The following ZNF48 variants were observed in gnomAD, a reference collection of about 807,000 sequenced individuals.
The protein encoded by ZNF48 is zinc finger protein 553.
A neutral mutation model predicts 40.0 loss-of-function variants in ZNF48; 20 were observed. That is an observed-to-expected ratio of 0.50 (90% confidence interval 0.35 to 0.73). The LOEUF is 0.73. Among genes scored for constraint, ZNF48 ranks in the 30% least tolerant of loss-of-function variants. ZNF48 has a pLI of 0.01. For missense variants in ZNF48, 726 were observed against 851.9 expected, an observed-to-expected ratio of 0.85 and a Z score of 1.84; for synonymous variants, 298 against 329.7, an observed-to-expected ratio of 0.90 and a Z score of 1.04.
In ZNF48 at chr16:30,395,968, C is replaced by G; in HGVS notation, c.79+95C>G. 1.5e-6 allele frequency: 2 copies of G among 1,296,352 alleles called. No individual in the cohort carries two copies. Among genetic ancestry groups the G allele is most frequent in the Non-Finnish European group, 2.0e-6 (2 of 980,870 alleles). The allele number at this position is 1,296,352 out of a possible 1,614,324, so 80.3% of individuals were successfully genotyped here. ...CCGGCCGAGATCCTGGAAGATCGGA[C>G]GTGAGCTGTGCCTCTGGGGAGATAG... On this transcript the variant is annotated intron_variant, in intron 2 of 2. Transcript: ENST00000613509. This position sits in a 1 kb window ranked among gnomAD's most constrained non-coding sequence, Gnocchi z 5.9.
chr16:30,387,157 A>C (rs1470408781), intron 1 of ZNF48, among the ~76,000 whole-genome samples: 8 of 143,334 alleles, frequency 5.6e-5, no homozygotes, highest in South Asian at 2.3e-4. Context: ...GTTAGCCAGG[A>C]TGGTCTCGAT....
chr16:30,383,696 T>C (rs962653712), intron 1 of ZNF48, among the ~76,000 whole-genome samples: 1 of 152,276 alleles, frequency 6.6e-6, no homozygotes. Flanking sequence ...CCCCAGTAAC[T>C]CAGAGTCAAG....
chr16:30,378,858 G>GAGAGGGAGAGGGGGAT (rs1405782232), intron 1 of ZNF48, among the ~76,000 whole-genome samples: 1 of 140,452 alleles, frequency 7.1e-6, no homozygotes, highest in Non-Finnish European at 1.6e-5. Context: ...GAGAGGGGGA[G>GAGAGGGAGAGGGGGAT]AGAGGGAGAG....
chr16:30,390,509 C>T (rs1353990931), upstream of ZNF48, among the ~76,000 whole-genome samples: 2 of 149,480 alleles, frequency 1.3e-5, no homozygotes, highest in East Asian at 3.9e-4. Flanking sequence ...CCCGGGTTCA[C>T]GTGATTCTCC....
chr16:30,378,759 G>A lies in ZNF48; in HGVS notation c.-16+349G>A, dbSNP rs574977750. On this transcript the variant is annotated intron_variant, in intron 1 of 2. Transcript: ENST00000528032. ...AGCGGGACCTGAGGTTGTGGGTGAG[G>A]CCCAGGAGGCAGGGCCTGGGGCGAG... The A allele has an allele frequency of 7.2e-6, 11 of 1,530,028 alleles. No individual in the cohort carries two copies. The South Asian group carries it at 1.0e-4, about 14-fold the overall frequency. The allele number at this position is 1,530,028 out of a possible 1,614,324, so 94.8% of individuals were successfully genotyped here.
At chr16:30,391,723 C>G (rs1220945558), upstream of ZNF48, among the ~76,000 whole-genome samples, 4 of 151,850 alleles carry the variant, frequency 2.6e-5, no homozygotes, top group Non-Finnish European at 5.9e-5. Context: ...TCTCGAACTC[C>G]TGACCTCAGG....
At chr16:30,380,797 C>T (rs766392687) in intron 1 of ZNF48, 2 of 333,674 alleles carry the variant, frequency 6.0e-6, no homozygotes, top group East Asian at 6.9e-5. Flanking sequence ...AAAGAGAGGC[C>T]GAGAGAGATA....
Position 30,381,962 on chromosome 16 carries a change from C to G in ZNF48, c.-16+3552C>G. 1 of 1,606,178 alleles carries G rather than the reference C, an allele frequency of 6.2e-7. No individual in the cohort carries two copies. The highest frequency in any genetic ancestry group is 8.5e-7 in the Non-Finnish European group (1 of 1,175,360). ...TTTCCTTTGTCAATATCACAGTTGCCTGCACCCATTTCCCAGGGGAGGAAA... is the reference window on the plus strand; with the variant it reads ...TTTCCTTTGTCAATATCACAGTTGCGTGCACCCATTTCCCAGGGGAGGAAA... On this transcript the variant is annotated intron_variant, in intron 1 of 2. Transcript: ENST00000528032. This position sits in a 1 kb window ranked among gnomAD's most constrained non-coding sequence, Gnocchi z 4.3.
chr16:30,395,461 C>G lies in ZNF48; in HGVS notation c.-133C>G, dbSNP rs2151117282. The stretch of plus-strand genomic sequence containing the variant: ...CGCCCCCGGGACGCCTGGGTCCGAG[C>G]CCGCTCCCGGCTTGGCGCGGAGCCT... On this transcript the variant is annotated 5_prime_UTR_variant, in exon 1 of 3. Coordinates refer to ENST00000613509, the MANE Select transcript of ZNF48 (RefSeq NM_001214909.2). The surrounding 1 kb of genome is among the most constrained non-coding windows in gnomAD (Gnocchi z 5.9). The G allele has an allele frequency of 2.9e-6, 1 of 339,488 alleles. No homozygotes were observed. Among genetic ancestry groups the G allele is most frequent in the African/African-American group, 2.3e-5 (1 of 43,854 alleles). 21.0% of individuals were successfully genotyped at this position (339,488 alleles called of 1,614,324 possible).
Position 30,382,256 on chromosome 16 carries a change from C to G in ZNF48, c.-16+3846C>G. The stretch of plus-strand genomic sequence containing the variant: ...CTAAGGACATCCCCTCCGCAGTTCC[C>G]TCTCCAAAACCCCCAGACCTGCCAC... On this transcript the variant is annotated intron_variant, in intron 1 of 2. Transcript: ENST00000528032. The surrounding 1 kb of genome is among the most constrained non-coding windows in gnomAD (Gnocchi z 4.8). 1.9e-6 allele frequency: 3 copies of G among 1,613,300 alleles called. No individual in the cohort carries two copies. Among genetic ancestry groups the G allele is most frequent in the Non-Finnish European group, 2.5e-6 (3 of 1,179,438 alleles).
At chr16:30,391,621 G>A (rs1173894920), upstream of ZNF48, among the ~76,000 whole-genome samples, 12 of 149,842 alleles carry the variant, frequency 8.0e-5, no homozygotes, top group South Asian at 2.1e-4. Context: ...TCCGCCTCCC[G>A]AGTAGCTGGG....
At chr16:30,378,485 C>T (rs1290917631) in intron 1 of ZNF48, 3 of 1,577,784 alleles carry the variant, frequency 1.9e-6, no homozygotes, top group East Asian at 4.5e-5. Flanking sequence ...GCATTTGGGC[C>T]TGCATCTTCT....
At chr16:30,389,176 G>A (rs1280977251) in intron 1 of ZNF48, among the ~76,000 whole-genome samples, 3 of 150,842 alleles carry the variant, frequency 2.0e-5, no homozygotes, top group East Asian at 2.0e-4. Flanking sequence ...GGCGGATCAC[G>A]AGGTCAGGAG....
At chr16:30,394,831 GTC>G (rs888402092), upstream of ZNF48, 1 of 198,936 alleles carries the variant, frequency 5.0e-6, no homozygotes, top group African/African-American at 2.3e-5. Flanking sequence ...TCTGATGTGA[GTC>G]TCTGGCTCAG....
intron 1 of ZNF48, among the ~76,000 whole-genome samples, chr16:30,383,465 G>T (rs139580797): frequency 3.9e-5 from 6 of 152,112 alleles, no homozygotes; most frequent in African/African-American, 1.2e-4. Flanking sequence ...CTGGGATTAC[G>T]GGCGTGAGCC....
At chr16:30,379,992 C>G (rs1174673089) in intron 1 of ZNF48, 2 of 1,612,226 alleles carry the variant, frequency 1.2e-6, no homozygotes, top group Admixed American at 1.7e-5. Context: ...ATTCGGGGAA[C>G]TGGTAGATGT....
At chr16:30,389,853 T>TA (rs1270112793) in intron 1 of ZNF48, among the ~76,000 whole-genome samples, 2 of 138,094 alleles carry the variant, frequency 1.4e-5, no homozygotes, top group Non-Finnish European at 3.1e-5. Flanking sequence ...TTTTTTTTTT[T>TA]AGAAACAGGG....
At chr16:30,388,957 A>G (rs777705155) in intron 1 of ZNF48, among the ~76,000 whole-genome samples, 1 of 146,924 alleles carries the variant, frequency 6.8e-6, no homozygotes, top group African/African-American at 2.5e-5. Context: ...AAAGAAAACA[A>G]CCCTGCAAAA....
intron 1 of ZNF48, among the ~76,000 whole-genome samples, chr16:30,390,245 A>T (rs993723574): frequency 6.6e-6 from 1 of 152,046 alleles, no homozygotes; most frequent in Non-Finnish European, 1.5e-5. Context: ...TAACTATAGG[A>T]TTTGTCCTCT....
Sources: gnomAD v4.1 joint callset for allele counts (sites outside exome capture counted in the v4.1 genomes callset) on GRCh38, gnomAD v4.1.1 for gene constraint, Gnocchi (gnomAD v3.1) non-coding constraint, MANE v1.5 for transcripts, NCBI Gene and HGNC (gene_info 2026-07-23, HGNC 2026-07-21) for gene names.